The following DPH6 variants were observed in gnomAD, a reference collection of about 807,000 sequenced individuals.
DPH6 encodes the protein diphthamine biosynthesis 6, also known as diphthine--ammonia ligase.
A neutral mutation model predicts 38.2 loss-of-function variants in DPH6; 33 were observed. The ratio of observed to expected loss-of-function variants is 0.86; its 90% CI spans 0.65 to 1.15. The LOEUF (loss-of-function observed/expected upper bound fraction) is 1.15. DPH6 is among the 50% of genes most tolerant of loss of function. The probability of loss-of-function intolerance (pLI) is 0.00; values close to 1 mark genes in which losing one functional copy is unlikely to be tolerated. For synonymous variants in DPH6, 108 were observed against 103.0 expected (o/e 1.05, Z -0.30); for missense variants, 325 against 320.0 (o/e 1.02, Z -0.12).
At chr15:35,286,389 T>C (rs2051943959) in intron 3 of DPH6, among the ~76,000 whole-genome samples, 1 of 152,234 alleles carries the variant, frequency 6.6e-6, no homozygotes. Flanking sequence ...GCCCAATGAA[T>C]ACCTCTTGAT....
chr15:35,357,089 G>A (rs540188197), intron 3 of DPH6, among the ~76,000 whole-genome samples: 3 of 152,370 alleles, frequency 2.0e-5, no homozygotes, highest in South Asian at 2.1e-4. Flanking sequence ...AGCCATGTGC[G>A]GGATATAATC....
At chr15:35,533,690 ATATT>A (rs1478277359) in intron 3 of DPH6, among the ~76,000 whole-genome samples, 4 of 149,840 alleles carry the variant, frequency 2.7e-5, no homozygotes, top group Non-Finnish European at 5.9e-5. Flanking sequence ...TATGTATTTA[ATATT>A]TATTATTAAA....
Position 35,360,670 on chromosome 15 carries a change from G to A in DPH6, n.207+12851C>T, listed in dbSNP as rs111953143. On this transcript the variant is annotated intron_variant and non_coding_transcript_variant, in intron 3 of 3. Transcript: ENST00000558973. ...AAGGTCTATAGCCAGATACCTTAAT[G>A]GTGTGCCTGCTATTGGGGGCATAGA... Among the ~76,000 whole-genome samples the A allele has an allele frequency of 4.6e-3, 708 of 152,302 alleles. 4 individuals are homozygous for A. Among genetic ancestry groups the A allele is most frequent in the African/African-American group, 0.017 (687 of 41,556 alleles).
intron 3 of DPH6, among the ~76,000 whole-genome samples, chr15:35,332,805 C>T (rs1033305998): frequency 1.3e-5 from 2 of 151,864 alleles, no homozygotes; most frequent in African/African-American, 2.4e-5. Flanking sequence ...GGAGTCATAA[C>T]AAGTTTGTAA....
chr15:35,494,782 T>G (rs2054527418), intron 3 of DPH6, among the ~76,000 whole-genome samples: 1 of 152,028 alleles, frequency 6.6e-6, no homozygotes, highest in Admixed American at 6.6e-5. Flanking sequence ...AGTCCACTCA[T>G]GATTTTTTTT....
chr15:35,239,053 G>A (rs1465490346), intron 3 of DPH6, among the ~76,000 whole-genome samples: 1 of 144,362 alleles, frequency 6.9e-6, no homozygotes, highest in Non-Finnish European at 1.5e-5. Context: ...TCACACGGAC[G>A]TGCATGAAAT....
At chr15:35,359,831 G>A (rs2052598730) in intron 3 of DPH6, among the ~76,000 whole-genome samples, 1 of 151,992 alleles carries the variant, frequency 6.6e-6, no homozygotes, top group African/African-American at 2.4e-5. Flanking sequence ...GTATTCTTCA[G>A]TTCCAGGATT....
rs113815269 is a variant in DPH6, at chr15:35,349,486, G to A, written n.208-18409C>T. 4.8e-3 allele frequency among the ~76,000 whole-genome samples: 735 copies of A among 152,194 alleles called. 7 individuals carry two copies. The highest frequency in any genetic ancestry group is 0.01 in the Admixed American group (160 of 15,286). ...GTCTCCCCCTCTGTCACCCAGGCTGGAGTGCAGTGGAGTGATTTCGGCTTA... is the reference window on the plus strand; with the variant it reads ...GTCTCCCCCTCTGTCACCCAGGCTGAAGTGCAGTGGAGTGATTTCGGCTTA... On this transcript the variant is annotated intron_variant and non_coding_transcript_variant, in intron 3 of 3. Transcript: ENST00000558973.
At chr15:35,305,855 CTT>C (rs930951515) in intron 3 of DPH6, among the ~76,000 whole-genome samples, 4 of 152,076 alleles carry the variant, frequency 2.6e-5, no homozygotes, top group African/African-American at 9.7e-5. Context: ...TAAATCGAGT[CTT>C]ATAATTTTGT....
the DPH6 span, among the ~76,000 whole-genome samples, chr15:35,179,214 A>G: frequency 1.3e-5 from 2 of 150,272 alleles, no homozygotes; most frequent in African/African-American, 4.9e-5. Context: ...CAAAAAAAAA[A>G]AAAAAAAAAA....
chr15:35,425,810 CATATATAT>C (rs71741742), intron 5 of DPH6, among the ~76,000 whole-genome samples: 5 of 142,032 alleles, frequency 3.5e-5, no homozygotes, highest in South Asian at 4.4e-4. Context: ...TATGACATGA[CATATATAT>C]ATATATATAT....
rs532307441 is a variant in DPH6 at position 35,436,340 on chromosome 15, C to G, written c.505+14345G>C. On this transcript the variant is annotated intron_variant, in intron 5 of 8. Transcript: ENST00000256538. ...AATTAGCTGGGCGTGGTGGTGGGCG[C>G]CTGTACTCCCAGCTACTCGGGAGGC... Among the ~76,000 whole-genome samples the G allele has an allele frequency of 1.4e-4, 21 of 151,726 alleles. No individual in the cohort carries two copies. In the South Asian group the frequency reaches 2.1e-3, roughly 15 times the overall value.
At chr15:35,453,961 T>A (rs1347384540) in intron 4 of DPH6, among the ~76,000 whole-genome samples, 1 of 151,814 alleles carries the variant, frequency 6.6e-6, no homozygotes, top group African/African-American at 2.4e-5. Flanking sequence ...TAGGTCAAAT[T>A]GTGCTTAAGA....
At chr15:35,242,142 C>T (rs1386970262) in intron 3 of DPH6, among the ~76,000 whole-genome samples, 1 of 144,748 alleles carries the variant, frequency 6.9e-6, no homozygotes, top group Non-Finnish European at 1.5e-5. Context: ...CGCCGCAAAG[C>T]TTCACAGACA....
downstream of DPH6, chr15:35,330,706 A>G (rs1179957476): frequency 6.6e-6 from 1 of 152,188 alleles, no homozygotes; most frequent in African/African-American, 2.4e-5. Context: ...TACGTTTCTG[A>G]CACACTTCAA....
intron 3 of DPH6, among the ~76,000 whole-genome samples, chr15:35,265,054 C>T (rs192178009): frequency 1.5e-3 from 226 of 152,170 alleles, no homozygotes; most frequent in Non-Finnish European, 2.7e-3. Flanking sequence ...TAGATTGGGC[C>T]ATGCTGTCTA....
intron 3 of DPH6, among the ~76,000 whole-genome samples, chr15:35,255,185 T>C (rs2051699340): frequency 6.6e-6 from 1 of 152,158 alleles, no homozygotes; most frequent in African/African-American, 2.4e-5. Context: ...GTATCACACT[T>C]CCTCAGGTGA....
intron 6 of DPH6, among the ~76,000 whole-genome samples, chr15:35,399,647 T>C (rs2053191709): frequency 6.6e-6 from 1 of 152,126 alleles, no homozygotes; most frequent in Non-Finnish European, 1.5e-5. Context: ...TGGAGACATA[T>C]GGAGAAAGTC....
intron 3 of DPH6, among the ~76,000 whole-genome samples, chr15:35,260,595 C>T (rs921833718): frequency 6.6e-6 from 1 of 151,436 alleles, no homozygotes; most frequent in African/African-American, 2.4e-5. Context: ...AATGTTTTTC[C>T]TGTAAATTTA....
Sources: allele counts gnomAD v4.1 joint callset (sites outside exome capture counted in the v4.1 genomes callset), GRCh38; gene constraint gnomAD v4.1.1; transcripts MANE v1.5; gene names NCBI Gene and HGNC (gene_info 2026-07-23, HGNC 2026-07-21).